The following ERICH6B variants were observed in gnomAD, a reference collection of about 807,000 sequenced individuals.
ERICH6B encodes the protein glutamate rich 6B, also known as glutamate-rich protein 6B.
Under a neutral mutation model 80.0 loss-of-function variants are expected in ERICH6B, and 69 were observed. The observed-to-expected ratio is 0.86, with a 90% CI of 0.71 to 1.05. The LOEUF (loss-of-function observed/expected upper bound fraction) is 1.05, where lower values mean the gene tolerates loss of function less well. Ranked by LOEUF, ERICH6B falls within the 50% of genes least tolerant of loss-of-function variation. The pLI is 0.00. For synonymous variants in ERICH6B, 283 were observed against 291.9 expected (o/e 0.97, Z 0.31); for missense variants, 754 against 796.1 (o/e 0.95, Z 0.64).
intron 8 of ERICH6B, among the ~76,000 whole-genome samples, chr13:45,570,214 G>A (rs988291526): frequency 7.9e-5 from 12 of 152,132 alleles, no homozygotes; most frequent in African/African-American, 2.9e-4. Context: ...GGTCTCCCAT[G>A]CCCAGAGACC....
chr13:45,609,274 A>G (rs1386436162), intron 1 of ERICH6B, among the ~76,000 whole-genome samples: 1 of 152,088 alleles, frequency 6.6e-6, no homozygotes, highest in African/African-American at 2.4e-5. Flanking sequence ...CCTTCTGGAA[A>G]TCCTCCTTCC....
chr13:45,543,253 G>A (rs1873858615), intron 14 of ERICH6B, among the ~76,000 whole-genome samples: 2 of 152,150 alleles, frequency 1.3e-5, no homozygotes, highest in Non-Finnish European at 2.9e-5. Context: ...GGTCTCAGGA[G>A]CCCACCTTCT....
intron 9 of ERICH6B, among the ~76,000 whole-genome samples, chr13:45,567,418 C>T (rs1177367461): frequency 6.6e-6 from 1 of 152,050 alleles, no homozygotes; most frequent in Admixed American, 6.6e-5. Context: ...CTTGAATTCC[C>T]ACGTGTTGTG....
chr13:45,605,855 CCTTTT>C (rs749882016), intron 2 of ERICH6B, among the ~76,000 whole-genome samples: 7 of 152,332 alleles, frequency 4.6e-5, no homozygotes, highest in East Asian at 1.9e-4. Context: ...AAGGTATTTT[CCTTTT>C]CTTTTCCTTT....
At chr13:45,557,024 A>G (rs2137970444) in intron 11 of ERICH6B, among the ~76,000 whole-genome samples, 1 of 152,284 alleles carries the variant, frequency 6.6e-6, no homozygotes, top group South Asian at 2.1e-4. Context: ...ACTGTTTTCC[A>G]TAGTGGTTGT....
intron 13 of ERICH6B, among the ~76,000 whole-genome samples, chr13:45,548,030 C>T (rs1468105376): frequency 6.6e-6 from 1 of 152,170 alleles, no homozygotes; most frequent in Non-Finnish European, 1.5e-5. Flanking sequence ...GTAGAACCCA[C>T]CCACCAGGGA....
At chr13:45,576,433 G>A (rs1875406527) in intron 7 of ERICH6B, among the ~76,000 whole-genome samples, 1 of 152,120 alleles carries the variant, frequency 6.6e-6, no homozygotes, top group Admixed American at 6.5e-5. Flanking sequence ...CGAACTGTCT[G>A]CCATGGAAAT....
chr13:45,588,026 T>C (rs1875991590), intron 4 of ERICH6B, among the ~76,000 whole-genome samples: 1 of 152,206 alleles, frequency 6.6e-6, no homozygotes, highest in African/African-American at 2.4e-5. Context: ...GCTTAAATGT[T>C]GGCTCTTGCA....
chr13:45,584,737 G>A (rs1566298808), intron 5 of ERICH6B, among the ~76,000 whole-genome samples: 1 of 152,142 alleles, frequency 6.6e-6, no homozygotes, highest in Non-Finnish European at 1.5e-5. Context: ...ACTCCTGCGG[G>A]CCTCAGCTCC....
chr13:45,591,334 T>C (rs374243284), intron 3 of ERICH6B, among the ~76,000 whole-genome samples: 8 of 152,346 alleles, frequency 5.3e-5, no homozygotes, highest in East Asian at 1.9e-4. Context: ...AGGTGGCTCA[T>C]GCCTGTAATC....
At chr13:45,553,848 A>T (rs1268900578) in intron 11 of ERICH6B, among the ~76,000 whole-genome samples, 1 of 152,136 alleles carries the variant, frequency 6.6e-6, no homozygotes, top group East Asian at 1.9e-4. Flanking sequence ...TTAATTGACA[A>T]TTAAAAATTG....
chr13:45,586,218 A>G (rs534596663), intron 5 of ERICH6B, among the ~76,000 whole-genome samples: 1 of 151,758 alleles, frequency 6.6e-6, no homozygotes, highest in Admixed American at 6.6e-5. Context: ...CTGCCTCTCC[A>G]TTCTCCCTTA....
At chr13:45,601,730 C>A (rs765413770) in intron 2 of ERICH6B, among the ~76,000 whole-genome samples, 18 of 152,340 alleles carry the variant, frequency 1.2e-4, no homozygotes, top group Non-Finnish European at 2.2e-4. Context: ...AAAGAAACTG[C>A]ATTCCAGACA....
At chr13:45,553,466 G>A (rs922629650) in intron 11 of ERICH6B, among the ~76,000 whole-genome samples, 2 of 152,212 alleles carry the variant, frequency 1.3e-5, no homozygotes, top group Non-Finnish European at 2.9e-5. Context: ...TTTTGTTTGA[G>A]AGAAAGCTGT....
At chr13:45,603,385 C>T (rs1261078903) in intron 2 of ERICH6B, among the ~76,000 whole-genome samples, 3 of 152,232 alleles carry the variant, frequency 2.0e-5, no homozygotes, top group Admixed American at 2.0e-4. Flanking sequence ...GTCTATTCTT[C>T]ACAGAGTCGC....
Position 45,559,245 on chromosome 13 carries a change from T to C in ERICH6B, c.1407+2124A>G, listed in dbSNP as rs562289280. Among the ~76,000 whole-genome samples, 3 of 152,334 alleles carry C rather than the reference T, an allele frequency of 2.0e-5. No individual in the cohort carries two copies. The South Asian group carries it at 6.2e-4, about 32-fold the overall frequency. On this transcript the variant is annotated intron_variant, in intron 11 of 14. Transcript: ENST00000298738. Reference sequence around the variant, plus strand: ...TTCTGTATTTCTGTGGTGTCAGTTGTAATATCTCCCGTTTTGTTTCTAATT... The same window carrying C: ...TTCTGTATTTCTGTGGTGTCAGTTGCAATATCTCCCGTTTTGTTTCTAATT...
At chr13:45,553,719 AGAT>A (rs1017559469) in intron 11 of ERICH6B, among the ~76,000 whole-genome samples, 6 of 152,222 alleles carry the variant, frequency 3.9e-5, no homozygotes, top group Admixed American at 3.9e-4. Flanking sequence ...CCCAAGCTTC[AGAT>A]TTATCCCTGA....
At chr13:45,566,695 G>A (rs1874928829) in intron 9 of ERICH6B, among the ~76,000 whole-genome samples, 1 of 152,258 alleles carries the variant, frequency 6.6e-6, no homozygotes, top group Non-Finnish European at 1.5e-5. Flanking sequence ...ACATCTGGAT[G>A]CCTAGGCAGA....
chr13:45,542,942 A>G (rs1873841362), intron 14 of ERICH6B, among the ~76,000 whole-genome samples: 1 of 151,446 alleles, frequency 6.6e-6, no homozygotes, highest in Non-Finnish European at 1.5e-5. Flanking sequence ...AACCTAGCAC[A>G]CTCCCTCCTC....
Sources: gnomAD v4.1 joint callset for allele counts (sites outside exome capture counted in the v4.1 genomes callset) on GRCh38, gnomAD v4.1.1 for gene constraint, MANE v1.5 for transcripts, NCBI Gene and HGNC (gene_info 2026-07-23, HGNC 2026-07-21) for gene names.